The following GRID2 variants were observed in gnomAD, a reference collection of about 807,000 sequenced individuals.
GRID2 encodes the protein glutamate ionotropic receptor delta type subunit 2, also known as glutamate receptor ionotropic, delta-2.
In GRID2, 33 loss-of-function variants were observed where a neutral mutation model predicts 114.8. The observed-to-expected ratio is 0.29, with a 90% CI of 0.22 to 0.38. GRID2 has a LOEUF of 0.38. Ranked by LOEUF, GRID2 falls within the 10% of genes least tolerant of loss-of-function variation. The pLI, the probability that GRID2 is intolerant of heterozygous loss-of-function variation, is 1.00. For missense variants in GRID2, 1,184 were observed against 1,257.7 expected (o/e 0.94, Z 0.89); for synonymous variants, 505 against 449.9 (o/e 1.12, Z -1.55).
chr4:93,772,411 A>G lies in GRID2; in HGVS notation c.2937A>G (p.Ile979Met). The G allele has an allele frequency of 1.2e-6, 2 of 1,613,824 alleles. No individual in the cohort carries two copies. Among genetic ancestry groups the G allele is most frequent in the Non-Finnish European group, 1.7e-6 (2 of 1,179,844 alleles). ...ATGGGGGCTTTTTCAGGAGTCCTAT[A>G]AAAACAATGTCATCTATTCCTTATC... ...APNGGFFRSP[I>M]KTMSSIPYQP... The change falls in exon 16 of 16, where the codon ATA becomes ATG. Residue 979 changes from isoleucine to methionine, a missense_variant. Ile to Met is a conservative substitution (Grantham distance 10). Around this residue, in one of 3 missense-constraint regions of GRID2, gnomAD observed 717 missense variants for 796.9 expected, o/e 0.90. Transcript: ENST00000282020.
At chr4:92,478,131 A>G (rs1722406543) in intron 1 of GRID2, among the ~76,000 whole-genome samples, 1 of 151,944 alleles carries the variant, frequency 6.6e-6, no homozygotes, top group South Asian at 2.1e-4. Context: ...CAATTACCAT[A>G]TCTTTGATTT....
chr4:92,983,523 T>A (rs1030100552), intron 2 of GRID2, among the ~76,000 whole-genome samples: 52 of 152,194 alleles, frequency 3.4e-4, no homozygotes, highest in Non-Finnish European at 1.9e-4. Context: ...ACATATCTCA[T>A]TTTTTTGTCT....
chr4:93,031,339 C>T (rs1052471774), intron 2 of GRID2, among the ~76,000 whole-genome samples: 4 of 152,052 alleles, frequency 2.6e-5, no homozygotes, highest in African/African-American at 4.8e-5. Context: ...CCACCGTGCC[C>T]GGCCGTATCA....
chr4:93,608,637 G>A (rs1305459341), intron 13 of GRID2, among the ~76,000 whole-genome samples: 1 of 139,290 alleles, frequency 7.2e-6, no homozygotes, highest in African/African-American at 2.7e-5. Flanking sequence ...CAAAGGACAT[G>A]AACTCATCAT....
At chr4:92,439,077 G>T (rs1407095937) in intron 1 of GRID2, among the ~76,000 whole-genome samples, 1 of 152,048 alleles carries the variant, frequency 6.6e-6, no homozygotes, top group South Asian at 2.1e-4. Flanking sequence ...ATAAGGGTGG[G>T]GCCGTTTTAC....
chr4:92,452,852 A>T (rs375224407), intron 1 of GRID2, among the ~76,000 whole-genome samples: 2 of 132,724 alleles, frequency 1.5e-5, no homozygotes, highest in African/African-American at 5.1e-5. Context: ...ATATATATAT[A>T]TTTACCATAT....
At chr4:93,259,229 C>T (rs1749970578) in intron 8 of GRID2, among the ~76,000 whole-genome samples, 1 of 151,692 alleles carries the variant, frequency 6.6e-6, no homozygotes, top group Admixed American at 6.6e-5. Context: ...CCCTACAGCA[C>T]CATGCAGAAT....
At chr4:92,314,473 A>T (rs558470193) in intron 1 of GRID2, among the ~76,000 whole-genome samples, 7 of 152,178 alleles carry the variant, frequency 4.6e-5, no homozygotes, top group South Asian at 4.2e-4. Context: ...CTTTGGAAAC[A>T]TTTTTTTAAA....
rs533695637 is a variant in GRID2 at position 93,113,641 on chromosome 4, G to A, written c.735+2688G>A. ...TAGCCTGGTGTTGGAGAAGGAAAAT[G>A]AAAGAGTATCAGCATTACAAGATGC... On this transcript the variant is annotated intron_variant, in intron 4 of 15. Transcript: ENST00000282020. Among the ~76,000 whole-genome samples the A allele has an allele frequency of 1.3e-3, 199 of 152,290 alleles. 2 individuals carry two copies. Among genetic ancestry groups the A allele is most frequent in the Non-Finnish European group, 5.4e-4 (37 of 68,034 alleles).
intron 13 of GRID2, among the ~76,000 whole-genome samples, chr4:93,588,530 C>A (rs1737775312): frequency 2.0e-5 from 3 of 152,104 alleles, no homozygotes; most frequent in Non-Finnish European, 4.4e-5. Flanking sequence ...AGGGAGAAGG[C>A]AAACAGAAAA....
At chr4:93,070,991 T>C (rs1461084307) in intron 2 of GRID2, among the ~76,000 whole-genome samples, 1 of 152,104 alleles carries the variant, frequency 6.6e-6, no homozygotes, top group Non-Finnish European at 1.5e-5. Flanking sequence ...TCTGAGTTTT[T>C]AAAAATGTGT....
chr4:92,384,555 T>A (rs1357517389), intron 1 of GRID2, among the ~76,000 whole-genome samples: 2 of 50,216 alleles, frequency 4.0e-5, no homozygotes, highest in Non-Finnish European at 6.8e-5. Flanking sequence ...ATAATATATA[T>A]TATATATAAT....
intron 2 of GRID2, among the ~76,000 whole-genome samples, chr4:93,042,621 C>A (rs1030021583): frequency 1.3e-4 from 17 of 131,954 alleles, no homozygotes; most frequent in African/African-American, 4.7e-4. Context: ...CTCTCTCTCT[C>A]TCTCTATATA....
chr4:92,860,749 G>A (rs1744473682), intron 2 of GRID2, among the ~76,000 whole-genome samples: 1 of 152,024 alleles, frequency 6.6e-6, no homozygotes, highest in Non-Finnish European at 1.5e-5. Flanking sequence ...TTTCATTCCT[G>A]TTATGACTGC....
At chr4:92,330,885 G>T (rs1292982838) in intron 1 of GRID2, among the ~76,000 whole-genome samples, 1 of 152,022 alleles carries the variant, frequency 6.6e-6, no homozygotes, top group Non-Finnish European at 1.5e-5. Flanking sequence ...ATATGAAAAT[G>T]ATCTCAAATT....
chr4:93,462,671 A>C (rs964648814), intron 11 of GRID2, among the ~76,000 whole-genome samples: 7 of 152,180 alleles, frequency 4.6e-5, no homozygotes, highest in African/African-American at 1.7e-4. Context: ...TGTTGATGGG[A>C]GACCATCTCT....
At chr4:92,779,533 T>C (rs1169693292) in intron 2 of GRID2, among the ~76,000 whole-genome samples, 4 of 152,086 alleles carry the variant, frequency 2.6e-5, no homozygotes, top group African/African-American at 4.8e-5. Flanking sequence ...TTCCTAAATT[T>C]ACAAAAGCAT....
chr4:93,085,751 A>G (rs1730277572), intron 3 of GRID2, among the ~76,000 whole-genome samples: 1 of 152,084 alleles, frequency 6.6e-6, no homozygotes, highest in South Asian at 2.1e-4. Context: ...TTTAATACCT[A>G]CTCAGTACTT....
At chr4:93,048,481 G>A (rs557697757) in intron 2 of GRID2, among the ~76,000 whole-genome samples, 24 of 151,990 alleles carry the variant, frequency 1.6e-4, no homozygotes, top group African/African-American at 4.8e-4. Flanking sequence ...ACAAACTTCC[G>A]TCTGTGGCAA....
Sources: allele counts gnomAD v4.1 joint callset (sites outside exome capture counted in the v4.1 genomes callset), GRCh38; gene constraint gnomAD v4.1.1; regional missense constraint gnomAD v4.1.1; transcripts MANE v1.5; gene names NCBI Gene and HGNC (gene_info 2026-07-23, HGNC 2026-07-21).